Variants in PARVB observed in about 807,000 individuals in gnomAD.
PARVB encodes the protein parvin beta, also known as beta-parvin.
In PARVB, 46 loss-of-function variants were observed where a neutral mutation model predicts 47.0. The observed-to-expected ratio is 0.98, with a 90% CI of 0.77 to 1.25. The LOEUF is 1.25. Among genes scored for constraint, PARVB ranks in the 50% most tolerant of loss-of-function variants. The pLI is 0.00. For missense variants in PARVB, 473 were observed against 471.6 expected (o/e 1.00, Z -0.03); for synonymous variants, 196 against 196.3 (o/e 1.00, Z 0.01).
Position 44,004,397 on chromosome 22 carries a change from A to AC in PARVB, c.211+4732dup, listed in dbSNP as rs564961476. On this transcript the variant is annotated intron_variant, in intron 2 of 13. Transcript: ENST00000406477. ...CCTCTCAAAGTTGCTGCAAAGTGTG[A>AC]CCCCCCCCTTACTCTCAAGTTAAAA... Among the ~76,000 whole-genome samples, 781 of 150,656 alleles carry AC rather than the reference A, an allele frequency of 5.2e-3. 6 individuals carry two copies. The highest frequency in any genetic ancestry group is 0.017 in the South Asian group (81 of 4,708).
At chr22:44,154,534 G>GT (rs1569158800) in intron 10 of PARVB, among the ~76,000 whole-genome samples, 3 of 145,014 alleles carry the variant, frequency 2.1e-5, no homozygotes, top group African/African-American at 7.6e-5. Flanking sequence ...TAGTCTGGTG[G>GT]GTGTGTGTGT....
chr22:44,003,163 G>C (rs1304712654), intron 2 of PARVB, among the ~76,000 whole-genome samples: 1 of 152,106 alleles, frequency 6.6e-6, no homozygotes, highest in Non-Finnish European at 1.5e-5. Context: ...AAAATATTCT[G>C]ACTTCGCAGG....
chr22:44,136,948 G>A (rs1220282671), intron 7 of PARVB, among the ~76,000 whole-genome samples: 1 of 152,202 alleles, frequency 6.6e-6, no homozygotes, highest in African/African-American at 2.4e-5. Flanking sequence ...ATCTCCTAGA[G>A]AAAGCCAGAG....
Position 44,147,281 on chromosome 22 carries a change from T to C in PARVB, c.713-580T>C, listed in dbSNP as rs1601681232. The stretch of plus-strand genomic sequence containing the variant: ...TATTCTAAGCATGATAAGAAGCAGT[T>C]GGAGGGTTTTAGTTGTGGTGGGAGT... On this transcript the variant is annotated intron_variant, in intron 8 of 12. Coordinates refer to ENST00000338758, the MANE Select transcript of PARVB (RefSeq NM_013327.5). 1.4e-5 allele frequency: 3 copies of C among 214,350 alleles called. No individual in the cohort carries two copies. In the South Asian group the frequency reaches 2.4e-4, roughly 17 times the overall value. The allele number at this position is 214,350 out of a possible 1,614,324, so 13.3% of individuals were successfully genotyped here.
rs760324965 is a variant in PARVB at position 43,999,834 on chromosome 22, G to GGAAA, written c.211+161_211+162insGAAA. Among the ~76,000 whole-genome samples the GGAAA allele has an allele frequency of 3.4e-3, 235 of 69,358 alleles. 2 individuals carry two copies. Among genetic ancestry groups the GGAAA allele is most frequent in the African/African-American group, 0.011 (230 of 20,784 alleles). 45.5% of individuals were successfully genotyped at this position (69,358 alleles called of 152,430 possible). A position where few individuals can be genotyped will look rare whatever the true frequency, so the allele number is the denominator to read the frequency against. On this transcript the variant is annotated intron_variant, in intron 2 of 13. Coordinates refer to the PARVB transcript ENST00000406477. ...CAACATAGTGAAAACCCATCTATAT[G>GGAAA]AAAAAAAAAAAAAAAAAAAAAAAAC... is the stretch of plus-strand genomic sequence containing the variant.
At chr22:44,029,143 C>T (rs1464768322) in intron 1 of PARVB, among the ~76,000 whole-genome samples, 2 of 152,088 alleles carry the variant, frequency 1.3e-5, no homozygotes, top group African/African-American at 4.8e-5. Flanking sequence ...TACCACCATG[C>T]CCAGCTAATT....
chr22:44,062,683 C>T (rs2051442541), intron 1 of PARVB, among the ~76,000 whole-genome samples: 1 of 151,948 alleles, frequency 6.6e-6, no homozygotes, highest in South Asian at 2.1e-4. Context: ...TTTGTGCTCC[C>T]TGGTCTATTA....
intron 2 of PARVB, chr22:44,010,607 A>G (rs1317149039): frequency 6.6e-6 from 1 of 152,214 alleles, no homozygotes; most frequent in Admixed American, 6.5e-5. Flanking sequence ...CAGAATCTGA[A>G]TCACTGTTGT....
intron 2 of PARVB, among the ~76,000 whole-genome samples, chr22:44,007,467 C>G (rs1418013980): frequency 6.6e-6 from 1 of 152,184 alleles, no homozygotes; most frequent in Non-Finnish European, 1.5e-5. Flanking sequence ...TCTGTTCACC[C>G]TCTTCTGCCT....
intron 1 of PARVB, among the ~76,000 whole-genome samples, chr22:44,034,706 CTTTTTTTTTTTT>C (rs34429203): frequency 9.3e-6 from 1 of 107,580 alleles, no homozygotes; most frequent in Non-Finnish European, 1.9e-5. Flanking sequence ...CCACGTGTAA[CTTTTTTTTTTTT>C]TTTTTTTTTT....
chr22:44,172,602 C>G lies in PARVB; in HGVS notation c.*3924C>G. 1 of 212,674 alleles carries G rather than the reference C, an allele frequency of 4.7e-6. No homozygotes were observed. Among genetic ancestry groups the G allele is most frequent in the South Asian group, 5.4e-5 (1 of 18,460 alleles). The allele number at this position is 212,674 out of a possible 1,614,324, so 13.2% of individuals were successfully genotyped here. On this transcript the variant is annotated 3_prime_UTR_variant, in exon 13 of 13. Coordinates refer to ENST00000338758, the MANE Select transcript of PARVB (RefSeq NM_013327.5). ...GTTATGCAAGCACCGAGCCCAGAGT[C>G]CCGCTGGGCCGTGGTGTCCTAATTG...
At chr22:44,117,119 C>A (rs988248007) in intron 3 of PARVB, among the ~76,000 whole-genome samples, 5 of 151,940 alleles carry the variant, frequency 3.3e-5, no homozygotes, top group Non-Finnish European at 7.4e-5. Flanking sequence ...GCTCACGGAA[C>A]CCCCTCTCCC....
chr22:44,087,330 A>G (rs910013), intron 1 of PARVB, among the ~76,000 whole-genome samples: 86,152 of 152,082 alleles, frequency 0.57, 24,873 homozygotes, highest in African/African-American at 0.67. Context: ...GAAATGACAC[A>G]CTTAGAAAAG....
intron 1 of PARVB, among the ~76,000 whole-genome samples, chr22:44,027,754 C>T (rs187039540): frequency 1.3e-5 from 2 of 151,866 alleles, no homozygotes; most frequent in East Asian, 1.9e-4. Context: ...AAAAATTAGC[C>T]GGGCATGGTG....
At chr22:44,165,198 A>C (rs1039406290) in intron 12 of PARVB, among the ~76,000 whole-genome samples, 5 of 152,124 alleles carry the variant, frequency 3.3e-5, no homozygotes, top group Admixed American at 6.5e-5. Context: ...AGGTCTCACT[A>C]TGTTGCCCAG....
rs150895833 is a variant in PARVB, at chr22:44,123,300, C to T, written c.376+4160C>T. The stretch of plus-strand genomic sequence containing the variant: ...GTGGCCCAGATGAGAGCAGTTTTGG[C>T]GCAGTGGTGGGGGTAACACGCTGAT... On this transcript the variant is annotated intron_variant, in intron 4 of 12. Coordinates refer to ENST00000338758, the MANE Select transcript of PARVB (RefSeq NM_013327.5). 2.0e-4 allele frequency among the ~76,000 whole-genome samples: 31 copies of T among 152,276 alleles called. No individual in the cohort carries two copies. The East Asian group carries it at 4.4e-3, about 22-fold the overall frequency.
intron 1 of PARVB, among the ~76,000 whole-genome samples, chr22:44,074,729 C>T (rs1285532987): frequency 6.6e-6 from 1 of 152,204 alleles, no homozygotes; most frequent in South Asian, 2.1e-4. Context: ...CCCAGCTGCC[C>T]ACGGCAGTCC....
chr22:44,130,211 T>C (rs1042760887), intron 4 of PARVB, among the ~76,000 whole-genome samples: 10 of 152,254 alleles, frequency 6.6e-5, no homozygotes, highest in Admixed American at 2.0e-4. Flanking sequence ...GAAGGCTCTG[T>C]GCTGAGTGCT....
At chr22:44,120,720 G>A (rs1041207739) in intron 4 of PARVB, among the ~76,000 whole-genome samples, 1 of 144,408 alleles carries the variant, frequency 6.9e-6, no homozygotes, top group Non-Finnish European at 1.5e-5. Flanking sequence ...CAGTTGCCCA[G>A]GCTGGAGTGT....
Sources: gnomAD v4.1 joint callset for allele counts (sites outside exome capture counted in the v4.1 genomes callset) on GRCh38, gnomAD v4.1.1 for gene constraint, MANE v1.5 for transcripts, NCBI Gene and HGNC (gene_info 2026-07-23, HGNC 2026-07-21) for gene names.